Variants in MAPT observed in about 807,000 individuals in gnomAD.
MAPT encodes microtubule associated protein tau.
MAPT carries 34 observed loss-of-function variants against 67.9 expected under a neutral mutation model. That is an observed-to-expected ratio of 0.50 (90% confidence interval 0.38 to 0.67). The LOEUF is 0.67. Ranked by LOEUF, MAPT falls within the 30% of genes least tolerant of loss-of-function variation. MAPT has a pLI of 0.00. For synonymous variants in MAPT, 456 were observed against 464.5 expected (o/e 0.98, Z 0.23); for missense variants, 881 against 1,115.2 (o/e 0.79, Z 2.99).
intron 1 of MAPT, among the ~76,000 whole-genome samples, chr17:45,937,834 A>G (rs2067489213): frequency 6.6e-6 from 1 of 152,136 alleles, no homozygotes; most frequent in Non-Finnish European, 1.5e-5. Context: ...TCTGACTCCA[A>G]TCCTGGCCCT....
chr17:45,937,612 A>G (rs796317124), intron 1 of MAPT, among the ~76,000 whole-genome samples: 4 of 150,622 alleles, frequency 2.7e-5, no homozygotes, highest in African/African-American at 9.7e-5. Flanking sequence ...AAAAAAAAAG[A>G]AAGGAGAGAG....
intron 1 of MAPT, among the ~76,000 whole-genome samples, chr17:45,935,845 A>G (rs2067271372): frequency 6.6e-6 from 1 of 152,022 alleles, no homozygotes; most frequent in African/African-American, 2.4e-5. Context: ...GCCTTCTCCA[A>G]TCTTCTTGAC....
chr17:45,926,421 A>G (rs757451456), intron 1 of MAPT, among the ~76,000 whole-genome samples: 2 of 151,894 alleles, frequency 1.3e-5, no homozygotes, highest in African/African-American at 2.4e-5. Context: ...TGATCCTCCC[A>G]TCTTAGCCTC....
intron 1 of MAPT, among the ~76,000 whole-genome samples, chr17:45,934,892 G>T (rs184466495): frequency 7.2e-4 from 81 of 112,710 alleles, no homozygotes; most frequent in Non-Finnish European, 1.6e-3. Context: ...TTTCCCCCCC[G>T]CTTCTTAGAA....
chr17:46,024,278 G>GCAGTT lies in MAPT; in HGVS notation c.*109_*113dup. On this transcript the variant is annotated 3_prime_UTR_variant, in exon 13 of 13. Transcript: ENST00000262410. ...CGCCCTCTGCCCCCAGCTGCTCCTCGCAGTTCGGTTAATTGGTTAATCACT... is the reference window on the plus strand; with the variant it reads ...CGCCCTCTGCCCCCAGCTGCTCCTCGCAGTTCAGTTCGGTTAATTGGTTAATCACT... 2 of 1,036,584 alleles carry GCAGTT rather than the reference G, an allele frequency of 1.9e-6. No individual in the cohort carries two copies. The highest frequency in any genetic ancestry group is 2.9e-6 in the Non-Finnish European group (2 of 687,728). 64.2% of individuals were successfully genotyped at this position (1,036,584 alleles called of 1,614,324 possible). A position where few individuals can be genotyped will look rare whatever the true frequency, so the allele number is the denominator to read the frequency against.
At chr17:46,005,781 C>T (rs2075370645) in intron 9 of MAPT, among the ~76,000 whole-genome samples, 1 of 152,142 alleles carries the variant, frequency 6.6e-6, no homozygotes, top group Admixed American at 6.5e-5. Context: ...ACAGTGTCTC[C>T]TTGCTGGCAG....
intron 11 of MAPT, among the ~76,000 whole-genome samples, chr17:46,016,546 C>T (rs1598401705): frequency 6.6e-6 from 1 of 152,060 alleles, no homozygotes; most frequent in Non-Finnish European, 1.5e-5. Flanking sequence ...CCAAGGCAGG[C>T]GGATCACGAG....
intron 12 of MAPT, among the ~76,000 whole-genome samples, chr17:46,021,076 C>T (rs1316215479): frequency 6.6e-6 from 1 of 152,190 alleles, no homozygotes; most frequent in Non-Finnish European, 1.5e-5. Flanking sequence ...GCACCCTCAT[C>T]TTGTATTTGT....
intron 1 of MAPT, among the ~76,000 whole-genome samples, chr17:45,956,599 TA>T (rs1305148021): frequency 7.9e-5 from 4 of 50,700 alleles, no homozygotes; most frequent in African/African-American, 2.5e-4. Context: ...TATATATATA[TA>T]TTTTTTATTA....
At chr17:45,960,841 CAAA>C (rs58287898) in intron 1 of MAPT, among the ~76,000 whole-genome samples, 48,147 of 142,496 alleles carry the variant, frequency 0.34, 7,674 homozygotes, top group South Asian at 0.47. Flanking sequence ...TCACAGGGGC[CAAA>C]AAAAAAAAAA....
At chr17:46,013,913 A>C (rs2075989839) in intron 10 of MAPT, among the ~76,000 whole-genome samples, 1 of 152,194 alleles carries the variant, frequency 6.6e-6, no homozygotes, top group African/African-American at 2.4e-5. Flanking sequence ...GCGTTTGCTG[A>C]GCAAATGTCT....
chr17:46,006,187 C>G (rs1002534999), intron 9 of MAPT, among the ~76,000 whole-genome samples: 2 of 151,996 alleles, frequency 1.3e-5, no homozygotes, highest in African/African-American at 4.8e-5. Flanking sequence ...GGAAGCAACC[C>G]AAGTGTCCAT....
At chr17:45,964,255 C>T (rs915733559) in intron 2 of MAPT, among the ~76,000 whole-genome samples, 3 of 151,888 alleles carry the variant, frequency 2.0e-5, no homozygotes, top group African/African-American at 7.3e-5. Context: ...ATGTGCACAA[C>T]GTGCAGGTTT....
chr17:46,004,286 C>T lies in MAPT; in HGVS notation c.1999-6024C>T, dbSNP rs1338146340. Among the ~76,000 whole-genome samples, 4 of 152,184 alleles carry T rather than the reference C, an allele frequency of 2.6e-5. No homozygotes were observed. The East Asian group carries it at 7.7e-4, about 29-fold the overall frequency. On this transcript the variant is annotated intron_variant, in intron 9 of 12. Transcript: ENST00000262410. The stretch of plus-strand genomic sequence containing the variant: ...CAGCCTTGAGAGAACTGAACCCAAA[C>T]AAAACCAGATCAAGGTCTAGTGAGA...
rs1362460465 is a variant in MAPT at position 45,995,396 on chromosome 17, G to A, written c.1733-1003G>A. 1.3e-5 allele frequency among the ~76,000 whole-genome samples: 2 copies of A among 152,304 alleles called. No individual in the cohort carries two copies. The highest frequency in any genetic ancestry group is 2.1e-4 in the South Asian group (1 of 4,828). On this transcript the variant is annotated intron_variant, in intron 8 of 12. Coordinates refer to ENST00000262410, the MANE Select transcript of MAPT (RefSeq NM_001377265.1). This position sits in a 1 kb window ranked among gnomAD's most constrained non-coding sequence, Gnocchi z 4.3. ...TTCTGCTCTATCCACTCTTGAAGGG[G>A]ATCGAGAAATTTGCATTTTGCAACT...
Position 45,983,218 on chromosome 17 carries a change from A to C in MAPT, c.639A>C (p.Arg213=). 6.2e-7 allele frequency: 1 copy of C among 1,607,612 alleles called. No individual in the cohort carries two copies. Among genetic ancestry groups the C allele is most frequent in the Non-Finnish European group, 8.5e-7 (1 of 1,177,364 alleles). ...SGKVVQEGFL[R]EPGPPGLSHQ... ...AGGTGGTCCAGGAAGGCTTCCTCCGAGAGCCAGGCCCCCCAGGTCTGAGCC... is the reference window on the plus strand; with the variant it reads ...AGGTGGTCCAGGAAGGCTTCCTCCGCGAGCCAGGCCCCCCAGGTCTGAGCC... Residue 213 remains arginine, a synonymous_variant, in exon 5 of 13, where the codon CGA becomes CGC. Transcript: ENST00000262410.
At chr17:45,938,716 C>T (rs1434527450) in intron 1 of MAPT, among the ~76,000 whole-genome samples, 1 of 152,040 alleles carries the variant, frequency 6.6e-6, no homozygotes, top group African/African-American at 2.4e-5. Flanking sequence ...GATCACAGCT[C>T]ACTGCAGCCT....
intron 1 of MAPT, among the ~76,000 whole-genome samples, chr17:45,921,428 G>A (rs1053431745): frequency 2.6e-5 from 4 of 152,154 alleles, no homozygotes; most frequent in African/African-American, 9.7e-5. Context: ...TCAGGAAGCC[G>A]CAGCCCCTCC....
rs143210139 is a variant in MAPT at position 45,962,380 on chromosome 17, G to T, written c.43G>T (p.Ala15Ser). The change falls in exon 2 of 13, where the codon GCT (alanine) becomes TCT (serine). Residue 15 changes from alanine to serine, a missense_variant. Around this residue, in one of 6 missense-constraint regions of MAPT, gnomAD observed 687 missense variants for 766.1 expected, o/e 0.90. Transcript: ENST00000262410. Reference sequence around the variant, plus strand: ...GGAGTTCGAAGTGATGGAAGATCACGCTGGGACGTACGGGTTGGGGGACAG... The same window carrying T: ...GGAGTTCGAAGTGATGGAAGATCACTCTGGGACGTACGGGTTGGGGGACAG... ...RQEFEVMEDH[A>S]GTYGLGDRKD... is the part of the protein sequence containing the mutation. 3.1e-6 allele frequency: 5 copies of T among 1,612,516 alleles called. No homozygotes were observed. The highest frequency in any genetic ancestry group is 4.2e-6 in the Non-Finnish European group (5 of 1,179,916).
Sources: allele counts gnomAD v4.1 joint callset (sites outside exome capture counted in the v4.1 genomes callset), GRCh38; gene constraint gnomAD v4.1.1; regional missense constraint gnomAD v4.1.1; non-coding constraint Gnocchi (gnomAD v3.1); transcripts MANE v1.5; gene names NCBI Gene and HGNC (gene_info 2026-07-23, HGNC 2026-07-21).